PDE4B: variants seen among roughly 807,000 people sequenced by gnomAD.
The protein encoded by PDE4B is phosphodiesterase 4B, also known as 3',5'-cyclic-AMP phosphodiesterase 4B.
A neutral mutation model predicts 82.2 loss-of-function variants in PDE4B; 20 were observed. That is an observed-to-expected ratio of 0.24 (90% CI 0.17 to 0.35). The LOEUF (loss-of-function observed/expected upper bound fraction) is 0.35, where lower values mean the gene tolerates loss of function less well. Ranked by LOEUF, PDE4B falls within the 10% of genes least tolerant of loss-of-function variation. The pLI is 1.00. For synonymous variants in PDE4B, 320 were observed against 318.9 expected (o/e 1.00, Z -0.04); for missense variants, 655 against 907.2 (o/e 0.72, Z 3.57).
chr1:66,273,033 G>T lies in PDE4B; in HGVS notation c.634+6946G>T, dbSNP rs543791394. 2.0e-5 allele frequency among the ~76,000 whole-genome samples: 3 copies of T among 151,506 alleles called. No individual in the cohort carries two copies. The East Asian group carries it at 5.8e-4, about 29-fold the overall frequency. On this transcript the variant is annotated intron_variant, in intron 7 of 16. Transcript: ENST00000341517. ...TCTCAATCTCTTGACCTTGTGATCC[G>T]CCCACCTCAGCCTCCCAAAGTAGAA...
At chr1:66,136,958 A>T (rs1455859513) in intron 3 of PDE4B, among the ~76,000 whole-genome samples, 2 of 152,220 alleles carry the variant, frequency 1.3e-5, no homozygotes, top group African/African-American at 4.8e-5. Flanking sequence ...TATGAGGACT[A>T]GGATAGGAAA....
At chr1:66,026,868 G>T (rs77781886) in intron 3 of PDE4B, among the ~76,000 whole-genome samples, 4,715 of 152,222 alleles carry the variant, frequency 0.031, 180 homozygotes, top group Admixed American at 0.11. Flanking sequence ...CCTGAGGGAG[G>T]GTGTGTGCGT....
chr1:66,225,421 T>G (rs572794167), intron 3 of PDE4B, among the ~76,000 whole-genome samples: 2 of 152,252 alleles, frequency 1.3e-5, no homozygotes, highest in Non-Finnish European at 2.9e-5. Context: ...GTTTTTGAAG[T>G]GAACTCAGAT....
chr1:66,185,917 A>C (rs1315052986), intron 3 of PDE4B, among the ~76,000 whole-genome samples: 2 of 152,082 alleles, frequency 1.3e-5, no homozygotes, highest in Non-Finnish European at 2.9e-5. Context: ...GCCCATGCCT[A>C]TGTCTTGAAT....
intron 3 of PDE4B, among the ~76,000 whole-genome samples, chr1:66,234,398 C>A (rs1366642731): frequency 2.0e-5 from 3 of 152,150 alleles, no homozygotes; most frequent in African/African-American, 7.2e-5. Flanking sequence ...AAGTGATTCT[C>A]CCGCTTCAGC....
At chr1:66,211,147 C>A (rs1650013739) in intron 3 of PDE4B, among the ~76,000 whole-genome samples, 1 of 152,132 alleles carries the variant, frequency 6.6e-6, no homozygotes, top group Non-Finnish European at 1.5e-5. Context: ...GACAGCCTTG[C>A]CACATGGTCA....
chr1:66,226,138 A>AT (rs1199826108), intron 3 of PDE4B, among the ~76,000 whole-genome samples: 1 of 152,142 alleles, frequency 6.6e-6, no homozygotes, highest in Non-Finnish European at 1.5e-5. Context: ...TTTTAACTTA[A>AT]TTTTTTAAAG....
At chr1:65,922,111 T>C (rs1647270967) in intron 3 of PDE4B, among the ~76,000 whole-genome samples, 1 of 152,188 alleles carries the variant, frequency 6.6e-6, no homozygotes, top group South Asian at 2.1e-4. Context: ...AAGAAAGAGT[T>C]AGAAAGGACT....
chr1:66,239,542 A>G (rs1480885161), intron 3 of PDE4B, among the ~76,000 whole-genome samples: 1 of 152,214 alleles, frequency 6.6e-6, no homozygotes, highest in Non-Finnish European at 1.5e-5. Flanking sequence ...TGTAATTCCT[A>G]TTATTTCTGA....
At chr1:66,025,710 C>T (rs1653395737) in intron 3 of PDE4B, among the ~76,000 whole-genome samples, 1 of 152,170 alleles carries the variant, frequency 6.6e-6, no homozygotes, top group Admixed American at 6.5e-5. Flanking sequence ...CAACTTTAAA[C>T]TTAACCCCTG....
chr1:66,009,397 A>G (rs1349215377), intron 3 of PDE4B, among the ~76,000 whole-genome samples: 1 of 152,102 alleles, frequency 6.6e-6, no homozygotes, highest in Non-Finnish European at 1.5e-5. Flanking sequence ...TCCCCTTTAC[A>G]ATTAATTCCT....
chr1:65,978,850 G>C (rs1459292843), intron 3 of PDE4B, among the ~76,000 whole-genome samples: 3 of 152,014 alleles, frequency 2.0e-5, no homozygotes, highest in Non-Finnish European at 4.4e-5. Context: ...TCTCACCTTG[G>C]CATCTCATTC....
chr1:65,886,288 G>A (rs1387615362), intron 1 of PDE4B, among the ~76,000 whole-genome samples: 1 of 151,992 alleles, frequency 6.6e-6, no homozygotes, highest in African/African-American at 2.4e-5. Flanking sequence ...TGGGGTACAT[G>A]TGGTATTTTG....
At chr1:66,120,187 G>A (rs1645681528) in intron 3 of PDE4B, among the ~76,000 whole-genome samples, 1 of 152,122 alleles carries the variant, frequency 6.6e-6, no homozygotes, top group Non-Finnish European at 1.5e-5. Context: ...CAAAATGAGG[G>A]AACTAGATAA....
chr1:66,023,815 G>A (rs1310957885), intron 3 of PDE4B, among the ~76,000 whole-genome samples: 1 of 152,036 alleles, frequency 6.6e-6, no homozygotes, highest in Admixed American at 6.6e-5. Context: ...AAAGCCTTAG[G>A]AATAAAGGAT....
chr1:66,274,660 A>C (rs1655748056), intron 7 of PDE4B, among the ~76,000 whole-genome samples: 1 of 152,190 alleles, frequency 6.6e-6, no homozygotes, highest in African/African-American at 2.4e-5. Context: ...CGTCTCCAAA[A>C]TTAGGATGGA....
intron 3 of PDE4B, among the ~76,000 whole-genome samples, chr1:66,166,052 A>G (rs1361383635): frequency 6.6e-6 from 1 of 152,248 alleles, no homozygotes; most frequent in Admixed American, 6.5e-5. Flanking sequence ...ACAGATTAAT[A>G]GAATAGAATT....
intron 1 of PDE4B, among the ~76,000 whole-genome samples, chr1:65,878,067 G>A (rs931468175): frequency 6.6e-6 from 1 of 151,610 alleles, no homozygotes; most frequent in Non-Finnish European, 1.5e-5. Flanking sequence ...TCAAAAAGTG[G>A]GCAAAGGATA....
intron 3 of PDE4B, among the ~76,000 whole-genome samples, chr1:66,223,783 T>C (rs1267268950): frequency 2.6e-5 from 4 of 152,166 alleles, no homozygotes; most frequent in Non-Finnish European, 5.9e-5. Context: ...AAAACCTTGC[T>C]TTTTTGAAGT....
Sources: allele counts gnomAD v4.1 joint callset (sites outside exome capture counted in the v4.1 genomes callset), GRCh38; gene constraint gnomAD v4.1.1; transcripts MANE v1.5; gene names NCBI Gene and HGNC (gene_info 2026-07-23, HGNC 2026-07-21).